The following AFG1L variants were observed in gnomAD, a reference collection of about 807,000 sequenced individuals.
The protein encoded by AFG1L is AFG1-like ATPase.
AFG1L carries 53 observed loss-of-function variants against 62.2 expected under a neutral mutation model. The observed-to-expected ratio is 0.85, with a 90% CI of 0.68 to 1.07. The LOEUF is 1.07. AFG1L is among the 50% of genes least tolerant of loss of function. The pLI is 0.00. For missense variants in AFG1L, 555 were observed against 590.5 expected, an observed-to-expected ratio of 0.94 and a Z score of 0.62; for synonymous variants, 228 against 210.3, an observed-to-expected ratio of 1.08 and a Z score of -0.73.
At chr6:108,411,878 G>A (rs559846971) in intron 7 of AFG1L, among the ~76,000 whole-genome samples, 11 of 152,306 alleles carry the variant, frequency 7.2e-5, no homozygotes, top group South Asian at 2.1e-4. Context: ...GCAGCTCCTC[G>A]CCAGCAACGG....
At chr6:108,335,438 AG>A (rs923883364) in intron 2 of AFG1L, among the ~76,000 whole-genome samples, 4 of 152,336 alleles carry the variant, frequency 2.6e-5, no homozygotes, top group African/African-American at 9.6e-5. Flanking sequence ...GTGAGAGTGT[AG>A]GTGTCTCCAT....
At chr6:108,468,252 A>G (rs1238963701) in intron 8 of AFG1L, among the ~76,000 whole-genome samples, 2 of 152,222 alleles carry the variant, frequency 1.3e-5, no homozygotes, top group Non-Finnish European at 2.9e-5. Context: ...CATCCTGAGA[A>G]GGGTACATGG....
intron 2 of AFG1L, among the ~76,000 whole-genome samples, chr6:108,330,454 G>A (rs1035503219): frequency 6.6e-6 from 1 of 152,156 alleles, no homozygotes; most frequent in Non-Finnish European, 1.5e-5. Flanking sequence ...GATTACAGGT[G>A]TGAGCCACTG....
Position 108,364,478 on chromosome 6 carries a change from G to T in AFG1L, c.649-1755G>T, listed in dbSNP as rs1779671251. 2.0e-5 allele frequency among the ~76,000 whole-genome samples: 3 copies of T among 152,082 alleles called. No individual in the cohort carries two copies. In the South Asian group the frequency reaches 6.2e-4, roughly 32 times the overall value. ...GTCCCTTCAGTTTTCTAAACCTTAG[G>T]GCACAAAAGCTATTTTACATTTTTT... On this transcript the variant is annotated intron_variant, in intron 5 of 12. Transcript: ENST00000368977.
rs896749815 is a variant in AFG1L, at chr6:108,522,838, A to T, written c.*413A>T. On this transcript the variant is annotated 3_prime_UTR_variant, in exon 13 of 13. Transcript: ENST00000368977. ...TGGGGGAAGAATGCCCTATGTTTCA[A>T]TTCAAAACAAAGACAGTTTTCCAAT... 1 of 153,774 alleles carries T rather than the reference A, an allele frequency of 6.5e-6. No homozygotes were observed. The highest frequency in any genetic ancestry group is 6.4e-5 in the Admixed American group (1 of 15,526). The allele number at this position is 153,774 out of a possible 1,614,324, so 9.5% of individuals were successfully genotyped here. A position where few individuals can be genotyped will look rare whatever the true frequency, so the allele number is the denominator to read the frequency against.
chr6:108,380,160 CT>C (rs1176072938), intron 6 of AFG1L, among the ~76,000 whole-genome samples: 1 of 147,628 alleles, frequency 6.8e-6, no homozygotes, highest in Admixed American at 6.7e-5. Context: ...ACCAGGATCT[CT>C]GTTCAGGAAG....
intron 8 of AFG1L, among the ~76,000 whole-genome samples, chr6:108,448,431 T>C (rs1207202633): frequency 6.6e-6 from 1 of 152,168 alleles, no homozygotes; most frequent in African/African-American, 2.4e-5. Flanking sequence ...TACCAATGCA[T>C]TAATTAATTA....
In AFG1L at chr6:108,494,848, G is replaced by A. The variant is rs1225769983; in HGVS notation, c.1063-15364G>A. On this transcript the variant is annotated intron_variant, in intron 10 of 12. Coordinates refer to ENST00000368977, the MANE Select transcript of AFG1L (RefSeq NM_145315.5). Reference sequence around the variant, plus strand: ...TGCAGTGGTCCCATCTCAGCTCACTGCAACCTACGCCTCCCAGGTTCCAGT... The same window carrying A: ...TGCAGTGGTCCCATCTCAGCTCACTACAACCTACGCCTCCCAGGTTCCAGT... Among the ~76,000 whole-genome samples the A allele has an allele frequency of 4.7e-5, 7 of 149,038 alleles. No individual in the cohort carries two copies. The East Asian group carries it at 1.4e-3, about 29-fold the overall frequency.
chr6:108,398,694 AATGAAGAG>A (rs1340715380), intron 6 of AFG1L, among the ~76,000 whole-genome samples: 1 of 152,104 alleles, frequency 6.6e-6, no homozygotes, highest in Non-Finnish European at 1.5e-5. Context: ...AGCACTGTTT[AATGAAGAG>A]ATGGTCTTTT....
chr6:108,331,344 T>C (rs1778272054), intron 2 of AFG1L, among the ~76,000 whole-genome samples: 1 of 151,950 alleles, frequency 6.6e-6, no homozygotes, highest in Admixed American at 6.6e-5. Context: ...GGTGGACTTA[T>C]TTTTTTTCCC....
At chr6:108,308,594 G>A (rs1777292765) in intron 1 of AFG1L, among the ~76,000 whole-genome samples, 1 of 152,034 alleles carries the variant, frequency 6.6e-6, no homozygotes, top group South Asian at 2.1e-4. Flanking sequence ...GCTCACTGCA[G>A]CCTCAAACTC....
intron 1 of AFG1L, among the ~76,000 whole-genome samples, chr6:108,307,028 T>G (rs1777224731): frequency 6.6e-6 from 1 of 150,960 alleles, no homozygotes; most frequent in African/African-American, 2.5e-5. Context: ...TTTTTTGAGT[T>G]TTTGAGATGG....
chr6:108,369,244 A>G (rs1034390431), intron 6 of AFG1L, among the ~76,000 whole-genome samples: 1 of 152,116 alleles, frequency 6.6e-6, no homozygotes, highest in East Asian at 1.9e-4. Flanking sequence ...TTGACTACAA[A>G]GGGGCAGGCT....
chr6:108,482,792 G>C (rs1010728775), intron 10 of AFG1L, among the ~76,000 whole-genome samples: 3 of 152,120 alleles, frequency 2.0e-5, no homozygotes, highest in Non-Finnish European at 4.4e-5. Context: ...CAGAAATCAA[G>C]TACTACTTTC....
chr6:108,296,855 T>A (rs1422879559), intron 1 of AFG1L, among the ~76,000 whole-genome samples: 1 of 152,214 alleles, frequency 6.6e-6, no homozygotes, highest in Non-Finnish European at 1.5e-5. Flanking sequence ...ACTTTCTACA[T>A]ACATTATCTT....
chr6:108,430,566 A>G (rs1376728297), intron 7 of AFG1L, among the ~76,000 whole-genome samples: 1 of 152,224 alleles, frequency 6.6e-6, no homozygotes, highest in Non-Finnish European at 1.5e-5. Context: ...AACTCTAGAC[A>G]GATAGAGATC....
Position 108,502,925 on chromosome 6 carries a change from C to T in AFG1L, c.1063-7287C>T, listed in dbSNP as rs1320992737. 6.6e-5 allele frequency among the ~76,000 whole-genome samples: 10 copies of T among 152,328 alleles called. No individual in the cohort carries two copies. In the South Asian group the frequency reaches 2.1e-3, roughly 32 times the overall value. On this transcript the variant is annotated intron_variant, in intron 10 of 12. Coordinates refer to ENST00000368977, the MANE Select transcript of AFG1L (RefSeq NM_145315.5). ...GTCATTTCAACAGTGTTCACACCATCTTCACCAGGAGTAGATTCCATCTCA... is the reference window on the plus strand; with the variant it reads ...GTCATTTCAACAGTGTTCACACCATTTTCACCAGGAGTAGATTCCATCTCA...
chr6:108,511,393 A>G (rs1774647753), intron 11 of AFG1L, among the ~76,000 whole-genome samples: 1 of 152,206 alleles, frequency 6.6e-6, no homozygotes, highest in African/African-American at 2.4e-5. Flanking sequence ...AGCATGGCCT[A>G]CTGGTTCAAG....
chr6:108,494,250 G>C (rs1456779804), intron 10 of AFG1L, among the ~76,000 whole-genome samples: 21 of 151,828 alleles, frequency 1.4e-4, no homozygotes, highest in Non-Finnish European at 1.0e-4. Flanking sequence ...GACCTGACTT[G>C]ATGTGGCTTG....
Sources: gnomAD v4.1 joint callset for allele counts (sites outside exome capture counted in the v4.1 genomes callset) on GRCh38, gnomAD v4.1.1 for gene constraint, MANE v1.5 for transcripts, NCBI Gene and HGNC (gene_info 2026-07-23, HGNC 2026-07-21) for gene names.